The following GLP2R variants were observed in gnomAD, a reference collection of about 807,000 sequenced individuals.
GLP2R encodes glucagon like peptide 2 receptor, also known as glucagon-like peptide 2 receptor.
GLP2R carries 59 observed loss-of-function variants against 68.2 expected under a neutral mutation model. That is an observed-to-expected ratio of 0.87 (90% CI 0.70 to 1.07). The LOEUF is 1.07. Ranked by LOEUF, GLP2R falls within the 50% of genes least tolerant of loss-of-function variation. The probability of loss-of-function intolerance (pLI) is 0.00; values close to 1 mark genes in which losing one functional copy is unlikely to be tolerated. For synonymous variants in GLP2R, 270 were observed against 265.4 expected (o/e 1.02, Z -0.17); for missense variants, 548 against 677.4 (o/e 0.81, Z 2.12).
chr17:9,828,016 G>A (rs575309041), intron 1 of GLP2R, among the ~76,000 whole-genome samples: 1 of 151,698 alleles, frequency 6.6e-6, no homozygotes, highest in Non-Finnish European at 1.5e-5. Flanking sequence ...CCATGGGCAG[G>A]GTGAGTCCCT....
chr17:9,834,382 G>T (rs934012797), intron 2 of GLP2R, among the ~76,000 whole-genome samples: 5 of 152,218 alleles, frequency 3.3e-5, no homozygotes, highest in Admixed American at 3.3e-4. Flanking sequence ...ATTATCTGCT[G>T]TAGATTAGCC....
rs2067281352 is a variant in GLP2R at position 9,890,378 on chromosome 17, G to A, written c.*673G>A. On this transcript the variant is annotated 3_prime_UTR_variant, in exon 13 of 13. Transcript: ENST00000262441. ...AGAGTATGTAACTCCACCCACCAGA[G>A]TGCCACTCCTCTCTGCTCTTCCTCT... 4.2e-6 allele frequency: 1 copy of A among 236,094 alleles called. No individual in the cohort carries two copies. Among genetic ancestry groups the A allele is most frequent in the African/African-American group, 2.3e-5 (1 of 43,238 alleles). 14.6% of individuals were successfully genotyped at this position (236,094 alleles called of 1,614,324 possible). A position where few individuals can be genotyped will look rare whatever the true frequency, so the allele number is the denominator to read the frequency against.
chr17:9,859,638 T>TAC (rs2066966854), intron 6 of GLP2R, among the ~76,000 whole-genome samples: 2 of 106,266 alleles, frequency 1.9e-5, no homozygotes, highest in Non-Finnish European at 4.1e-5. Flanking sequence ...TAAAAAAAAA[T>TAC]ATATATATAT....
chr17:9,874,282 A>G (rs990547067), intron 10 of GLP2R, among the ~76,000 whole-genome samples: 1 of 152,090 alleles, frequency 6.6e-6, no homozygotes, highest in Non-Finnish European at 1.5e-5. Flanking sequence ...GTGGGGAGAA[A>G]GAGCAACCCT....
chr17:9,834,602 C>T (rs1280778371), intron 2 of GLP2R: 2 of 152,726 alleles, frequency 1.3e-5, no homozygotes, highest in East Asian at 1.9e-4. Flanking sequence ...GAAGAAAGTA[C>T]CTTGGCCCGT....
chr17:9,859,851 G>A, intron 6 of GLP2R, 91 bp from the exon 7 acceptor site: 1 of 619,400 alleles, frequency 1.6e-6, no homozygotes, highest in Middle Eastern at 5.4e-4. Flanking sequence ...AAAAAAGAGG[G>A]AGAGGTTGTC....
chr17:9,836,456 C>A lies in GLP2R; in HGVS notation c.363C>A (p.Tyr121Ter). Reference protein sequence around the residue: ...PGNVSVPCPSYLPWWSEESSG... With the variant: ...PGNVSVPCPS The stretch of plus-strand genomic sequence containing the variant: ...ATGTCTCTGTACCCTGCCCTTCATA[C>A]TTACCTTGGTGGAGTGAAGGTAATA... The change falls in exon 3 of 13, where the codon TAC becomes TAA. Residue 121 changes from tyrosine to a stop codon, truncating the protein, a stop_gained. Coordinates refer to ENST00000262441, the MANE Select transcript of GLP2R (RefSeq NM_004246.3). LOFTEE classifies it high-confidence loss of function. The A allele has an allele frequency of 6.2e-7, 1 of 1,603,912 alleles. No homozygotes were observed. The highest frequency in any genetic ancestry group is 8.5e-7 in the Non-Finnish European group (1 of 1,170,664).
intron 3 of GLP2R, among the ~76,000 whole-genome samples, chr17:9,838,973 A>G (rs111991021): frequency 6.6e-6 from 1 of 152,218 alleles, no homozygotes; most frequent in African/African-American, 2.4e-5. Flanking sequence ...ACATTGCACC[A>G]CTGAGCGCCT....
At chr17:9,875,565 T>G (rs2067135688) in intron 10 of GLP2R, among the ~76,000 whole-genome samples, 1 of 152,240 alleles carries the variant, frequency 6.6e-6, no homozygotes, top group Admixed American at 6.5e-5. Context: ...CTAGAGAACC[T>G]TCTGTAGTCT....
At chr17:9,838,367 C>G (rs1284723202) in intron 3 of GLP2R, among the ~76,000 whole-genome samples, 1 of 152,202 alleles carries the variant, frequency 6.6e-6, no homozygotes, top group Non-Finnish European at 1.5e-5. Context: ...GTGCGTCGCA[C>G]AGCTGCCGCT....
chr17:9,829,849 G>A (rs2066664671), intron 1 of GLP2R, among the ~76,000 whole-genome samples: 1 of 152,212 alleles, frequency 6.6e-6, no homozygotes, highest in Non-Finnish European at 1.5e-5. Flanking sequence ...ACAGTGAAGT[G>A]TATTCCTTCT....
intron 11 of GLP2R, among the ~76,000 whole-genome samples, chr17:9,881,454 C>G (rs1179425421): frequency 1.4e-5 from 2 of 139,286 alleles, no homozygotes; most frequent in Non-Finnish European, 3.0e-5. Context: ...GATCTCGGCT[C>G]ACTGCAAGCT....
rs554419386 is a variant in GLP2R at position 9,872,177 on chromosome 17, C to A, written c.1145+1342C>A. Among the ~76,000 whole-genome samples the A allele has an allele frequency of 3.9e-4, 59 of 152,378 alleles. 1 individual carries two copies. Among genetic ancestry groups the A allele is most frequent in the African/African-American group, 1.4e-3 (57 of 41,578 alleles). On this transcript the variant is annotated intron_variant, in intron 10 of 12. Coordinates refer to ENST00000262441, the MANE Select transcript of GLP2R (RefSeq NM_004246.3). The stretch of plus-strand genomic sequence containing the variant: ...AAGATGGCCCTAGCCCTGTTTCTCT[C>A]CCCTTTATAAGGCCTCACCCAGGTG...
At chr17:9,859,636 A>ATATATATAT (rs1555571773) in intron 6 of GLP2R, among the ~76,000 whole-genome samples, 2 of 143,090 alleles carry the variant, frequency 1.4e-5, no homozygotes, top group Admixed American at 7.0e-5. Context: ...ACTAAAAAAA[A>ATATATATAT]ATATATATAT....
chr17:9,862,839 T>A (rs2066999191), intron 9 of GLP2R, among the ~76,000 whole-genome samples: 1 of 152,222 alleles, frequency 6.6e-6, no homozygotes, highest in Non-Finnish European at 1.5e-5. Context: ...CTGCCCACCC[T>A]GTTCCCCAAG....
At chr17:9,841,308 G>T (rs140810574) in intron 3 of GLP2R, among the ~76,000 whole-genome samples, 1 of 151,630 alleles carries the variant, frequency 6.6e-6, no homozygotes, top group Admixed American at 6.6e-5. Flanking sequence ...GGTTACAGGC[G>T]TGAGCCACCA....
At position 9,891,104 on chromosome 17, in the gene GLP2R, A is replaced by C. The variant is rs1393274623; in HGVS notation, c.*1399A>C. 1 of 152,202 alleles carries C rather than the reference A, an allele frequency of 6.6e-6. No homozygotes were observed. Among genetic ancestry groups the C allele is most frequent in the Non-Finnish European group, 1.5e-5 (1 of 68,050 alleles). The allele number at this position is 152,202 out of a possible 1,614,324, so 9.4% of individuals were successfully genotyped here. A position where few individuals can be genotyped will look rare whatever the true frequency, so the allele number is the denominator to read the frequency against. On this transcript the variant is annotated 3_prime_UTR_variant, in exon 13 of 13. Transcript: ENST00000262441. ...CGGGGGAGTCAGTTTGATACTCCTC[A>C]AGCAGGGCTGCCATATTTAGCAAAC...
intron 9 of GLP2R, among the ~76,000 whole-genome samples, chr17:9,869,893 C>T (rs2067076824): frequency 1.3e-5 from 2 of 152,188 alleles, no homozygotes; most frequent in South Asian, 4.1e-4. Context: ...GGGGATTAGC[C>T]TCCACTTTTG....
intron 12 of GLP2R, among the ~76,000 whole-genome samples, 200 bp downstream of exon 12, chr17:9,888,173 G>A (rs776180659): frequency 6.6e-6 from 1 of 152,188 alleles, no homozygotes; most frequent in Non-Finnish European, 1.5e-5. Context: ...GTGTCGGGAT[G>A]GGTATAAGGG....
Sources: gnomAD v4.1 joint callset for allele counts (sites outside exome capture counted in the v4.1 genomes callset) on GRCh38, gnomAD v4.1.1 for gene constraint, MANE v1.5 for transcripts, NCBI Gene and HGNC (gene_info 2026-07-23, HGNC 2026-07-21) for gene names.